Variants in PTPRD observed in about 807,000 individuals in gnomAD.
The protein encoded by PTPRD is protein tyrosine phosphatase receptor type D, also known as receptor-type tyrosine-protein phosphatase delta.
Under a neutral mutation model 214.5 loss-of-function variants are expected in PTPRD, and 34 were observed. That is an observed-to-expected ratio of 0.16 (90% CI 0.12 to 0.21). PTPRD has a LOEUF of 0.21. PTPRD is among the 10% of genes least tolerant of loss of function. PTPRD has a pLI of 1.00. For missense variants in PTPRD, 2,545 were observed against 2,398.7 expected, an observed-to-expected ratio of 1.06 and a Z score of -1.27; for synonymous variants, 1,128 against 845.7, an observed-to-expected ratio of 1.33 and a Z score of -5.79.
intron 3 of PTPRD, among the ~76,000 whole-genome samples, chr9:10,207,710 T>C (rs2099490757): frequency 1.3e-5 from 2 of 151,816 alleles, no homozygotes; most frequent in South Asian, 2.1e-4. Flanking sequence ...TTCTCTTTCA[T>C]AGTGTTACAA....
chr9:10,435,671 G>T (rs1423501177), intron 2 of PTPRD, among the ~76,000 whole-genome samples: 1 of 151,850 alleles, frequency 6.6e-6, no homozygotes, highest in Non-Finnish European at 1.5e-5. Flanking sequence ...CAGGAAAAAT[G>T]AATATCTGGA....
chr9:9,787,724 A>G (rs764369405), intron 5 of PTPRD, among the ~76,000 whole-genome samples: 1 of 151,840 alleles, frequency 6.6e-6, no homozygotes, highest in Non-Finnish European at 1.5e-5. Flanking sequence ...AAAAGAAATG[A>G]CAAACAGTAG....
At chr9:9,539,538 T>C (rs1249907788) in intron 8 of PTPRD, among the ~76,000 whole-genome samples, 3 of 151,920 alleles carry the variant, frequency 2.0e-5, no homozygotes, top group East Asian at 3.9e-4. Context: ...GCTTTGATTA[T>C]TCCTTCACAT....
At chr9:9,916,425 G>A (rs1321727092) in intron 5 of PTPRD, among the ~76,000 whole-genome samples, 1 of 151,916 alleles carries the variant, frequency 6.6e-6, no homozygotes, top group Non-Finnish European at 1.5e-5. Flanking sequence ...AATGATAGGT[G>A]TACGTCCTCA....
chr9:9,264,667 A>C (rs989580772), intron 9 of PTPRD, among the ~76,000 whole-genome samples: 2 of 151,670 alleles, frequency 1.3e-5, no homozygotes, highest in African/African-American at 4.8e-5. Context: ...AGGTATAAAC[A>C]TCCAGATACG....
chr9:10,134,350 C>T, intron 3 of PTPRD, among the ~76,000 whole-genome samples: 1 of 152,128 alleles, frequency 6.6e-6, no homozygotes, highest in African/African-American at 2.4e-5. Flanking sequence ...TTGGGAGTCC[C>T]TAAGGCCCAT....
At chr9:8,924,144 C>G (rs9299076) in intron 11 of PTPRD, among the ~76,000 whole-genome samples, 54,569 of 151,966 alleles carry the variant, frequency 0.36, 9,912 homozygotes, top group Middle Eastern at 0.42. Context: ...CCAGCACTCA[C>G]TCATCACACC....
At chr9:8,767,358 C>T (rs1240259392) in intron 11 of PTPRD, among the ~76,000 whole-genome samples, 2 of 152,094 alleles carry the variant, frequency 1.3e-5, no homozygotes, top group Non-Finnish European at 2.9e-5. Context: ...CTCAAGTGAT[C>T]CACCCGCCTT....
At chr9:9,756,035 T>C (rs112518426) in intron 6 of PTPRD, among the ~76,000 whole-genome samples, 2,366 of 152,124 alleles carry the variant, frequency 0.016, 38 homozygotes, top group African/African-American at 0.039. Context: ...AATTCTTATA[T>C]TGAAGAAATG....
At chr9:10,017,282 AT>A (rs2096739396) in intron 4 of PTPRD, among the ~76,000 whole-genome samples, 1 of 151,600 alleles carries the variant, frequency 6.6e-6, no homozygotes, top group Admixed American at 6.6e-5. Flanking sequence ...TTCTTTGTCC[AT>A]TTATTTTATC....
intron 5 of PTPRD, among the ~76,000 whole-genome samples, chr9:9,776,140 G>C (rs988061569): frequency 6.6e-6 from 1 of 152,052 alleles, no homozygotes; most frequent in Non-Finnish European, 1.5e-5. Flanking sequence ...CGTTCTGCTG[G>C]AGGAAAACTA....
At chr9:10,363,140 A>C (rs2097428420) in intron 2 of PTPRD, among the ~76,000 whole-genome samples, 1 of 152,138 alleles carries the variant, frequency 6.6e-6, no homozygotes, top group Non-Finnish European at 1.5e-5. Context: ...ATTTTTTCTC[A>C]AATTTTAATA....
In PTPRD at chr9:8,886,634, CATTCTA is replaced by C. The variant is rs2098490973; in HGVS notation, c.-104+132057_-104+132062del. The stretch of plus-strand genomic sequence containing the variant: ...TAATTCAAGTTTTAAAATGATGTCA[CATTCTA>C]ACTAAATATAGTCCTAGGGCTGAAT... On this transcript the variant is annotated intron_variant, in intron 11 of 45. Coordinates refer to ENST00000381196, the MANE Select transcript of PTPRD (RefSeq NM_002839.4). Among the ~76,000 whole-genome samples the C allele has an allele frequency of 2.6e-5, 4 of 152,272 alleles. 1 individual carries two copies. The highest frequency in any genetic ancestry group is 6.8e-3 in the Middle Eastern group (2 of 294).
intron 3 of PTPRD, among the ~76,000 whole-genome samples, chr9:10,328,613 G>GCT (rs758762636): frequency 1.3e-5 from 2 of 151,728 alleles, no homozygotes; most frequent in Non-Finnish European, 2.9e-5. Context: ...TGAATGACTT[G>GCT]CTGGAGGTAA....
intron 8 of PTPRD, among the ~76,000 whole-genome samples, chr9:9,445,673 G>T (rs1455410573): frequency 1.3e-5 from 2 of 152,040 alleles, no homozygotes; most frequent in Non-Finnish European, 1.5e-5. Flanking sequence ...ACTATCACGA[G>T]AACAGCGGCA....
rs756484553 is a variant in PTPRD, at chr9:8,485,994, T to G, written c.2823A>C (p.Pro941=). The G allele has an allele frequency of 6.2e-7, 1 of 1,614,090 alleles. No homozygotes were observed. Among genetic ancestry groups the G allele is most frequent in the Non-Finnish European group, 8.5e-7 (1 of 1,180,008 alleles). Residue 941 remains proline, a synonymous_variant, in exon 28 of 46, where the codon CCA becomes CCC. Transcript: ENST00000381196. ...TSTSVQLSWQ[P]PVLAERNGII... ...TGCCATTTCTCTCTGCCAGGACAGGTGGTTGCCAAGATAACTGGACGGAGG... is the reference window on the plus strand; with the variant it reads ...TGCCATTTCTCTCTGCCAGGACAGGGGGTTGCCAAGATAACTGGACGGAGG...
chr9:10,227,738 T>A (rs1159432102), intron 3 of PTPRD, among the ~76,000 whole-genome samples: 1 of 152,008 alleles, frequency 6.6e-6, no homozygotes, highest in African/African-American at 2.4e-5. Context: ...TTGTTTTGTA[T>A]CATCTGTGTT....
chr9:10,564,478 C>A (rs1295751198), intron 2 of PTPRD, among the ~76,000 whole-genome samples: 4 of 151,604 alleles, frequency 2.6e-5, no homozygotes, highest in Non-Finnish European at 4.4e-5. Flanking sequence ...GCTTCTGTTT[C>A]TAGCAGTATG....
At chr9:8,913,247 TA>T (rs1350624344) in intron 11 of PTPRD, among the ~76,000 whole-genome samples, 1 of 152,124 alleles carries the variant, frequency 6.6e-6, no homozygotes. Flanking sequence ...ATGTATTTCA[TA>T]AATATTTGAA....
Sources: gnomAD v4.1 joint callset for allele counts (sites outside exome capture counted in the v4.1 genomes callset) on GRCh38, gnomAD v4.1.1 for gene constraint, MANE v1.5 for transcripts, NCBI Gene and HGNC (gene_info 2026-07-23, HGNC 2026-07-21) for gene names.